AKAP10: variants seen among roughly 807,000 people sequenced by gnomAD.
AKAP10 encodes the protein A-kinase anchoring protein 10, also known as A-kinase anchor protein 10, mitochondrial.
In AKAP10, 24 loss-of-function variants were observed where a neutral mutation model predicts 80.8. That is an observed-to-expected ratio of 0.30 (90% confidence interval 0.22 to 0.42). The LOEUF (loss-of-function observed/expected upper bound fraction) is 0.42, where lower values mean the gene tolerates loss of function less well. Ranked by LOEUF, AKAP10 falls within the 10% of genes least tolerant of loss-of-function variation. The pLI, the probability that AKAP10 is intolerant of heterozygous loss-of-function variation, is 1.00. For missense variants in AKAP10, 661 were observed against 794.9 expected (o/e 0.83, Z 2.03); for synonymous variants, 291 against 277.7 (o/e 1.05, Z -0.48).
intron 4 of AKAP10, among the ~76,000 whole-genome samples, chr17:19,957,638 T>C (rs749136714): frequency 4.6e-5 from 7 of 152,344 alleles, no homozygotes; most frequent in Non-Finnish European, 1.0e-4. Flanking sequence ...ATGTCACTTA[T>C]TGGCAATTTT....
At chr17:19,918,243 GAAAAT>G (rs2042770908) in intron 12 of AKAP10, among the ~76,000 whole-genome samples, 1 of 137,404 alleles carries the variant, frequency 7.3e-6, no homozygotes, top group African/African-American at 2.8e-5. Context: ...AAAAAAAAAA[GAAAAT>G]AAGATAAATG....
rs199831676 is a variant in AKAP10 at position 19,935,502 on chromosome 17, C to CT, written c.1467+783dup. 3.6e-3 allele frequency among the ~76,000 whole-genome samples: 548 copies of CT among 152,170 alleles called. 2 individuals are homozygous for CT. The highest frequency in any genetic ancestry group is 0.012 in the African/African-American group (480 of 41,526). On this transcript the variant is annotated intron_variant, in intron 9 of 14. Transcript: ENST00000225737. ...TTACTGTAACTTTTTAACTGTTTTA[C>CT]TTTTTTTAGCTTTTTGACTCTGTTG... is the stretch of plus-strand genomic sequence containing the variant.
intron 4 of AKAP10, among the ~76,000 whole-genome samples, chr17:19,953,694 TTAAA>T (rs1167554484): frequency 6.6e-6 from 1 of 152,170 alleles, no homozygotes; most frequent in Non-Finnish European, 1.5e-5. Context: ...CCTATATCTA[TTAAA>T]TAATCTGAAT....
rs913509563 is a variant in AKAP10 at position 19,931,687 on chromosome 17, G to T, written c.1641+118C>A. 9.6e-6 allele frequency: 12 copies of T among 1,253,092 alleles called. No individual in the cohort carries two copies. In the African/African-American group the frequency reaches 1.7e-4, roughly 18 times the overall value. 77.6% of individuals were successfully genotyped at this position (1,253,092 alleles called of 1,614,324 possible). Reference sequence around the variant, plus strand: ...ATTACAGGCACAGGCCACTGTGCCTGGCTTTTATCTTTTTTTTCCACAACT... The same window carrying T: ...ATTACAGGCACAGGCCACTGTGCCTTGCTTTTATCTTTTTTTTCCACAACT... On this transcript the variant is annotated intron_variant, in intron 10 of 14. Transcript: ENST00000225737.
intron 14 of AKAP10, among the ~76,000 whole-genome samples, chr17:19,907,107 TC>T: frequency 6.6e-6 from 1 of 151,826 alleles, no homozygotes; most frequent in Non-Finnish European, 1.5e-5. Flanking sequence ...AACCTCTGCC[TC>T]CCGGGTTCAA....
intron 2 of AKAP10, 83 bp from the exon 3 acceptor site, chr17:19,963,105 A>G (rs1173911632): frequency 8.1e-7 from 1 of 1,235,584 alleles, no homozygotes; most frequent in African/African-American, 1.5e-5. Context: ...AGAGAACTTT[A>G]AAAATTAAAT....
chr17:19,911,450 C>G (rs2042688400), intron 12 of AKAP10, among the ~76,000 whole-genome samples: 4 of 152,166 alleles, frequency 2.6e-5, no homozygotes, highest in African/African-American at 9.7e-5. Context: ...CCAGCTAATT[C>G]CACTGGCTGA....
rs534292232 is a variant in AKAP10, at chr17:19,942,598, G to T, written c.977-688C>A. On this transcript the variant is annotated intron_variant, in intron 5 of 14. Coordinates refer to ENST00000225737, the MANE Select transcript of AKAP10 (RefSeq NM_007202.4). ...ACTTAAAAAATTATGGATTTGTGAA[G>T]TTATCTGTAAAAAAGTTTATTAAAA... Among the ~76,000 whole-genome samples the T allele has an allele frequency of 4.6e-5, 7 of 152,234 alleles. No individual in the cohort carries two copies. In the South Asian group the frequency reaches 1.5e-3, roughly 32 times the overall value.
intron 5 of AKAP10, 62 bp from the exon 6 acceptor site, chr17:19,941,972 T>G: frequency 2.0e-6 from 3 of 1,469,548 alleles, no homozygotes; most frequent in Non-Finnish European, 2.8e-6. Flanking sequence ...TACACACTTG[T>G]GAATCAACTT....
At chr17:19,908,377 G>C (rs1274501138) in intron 14 of AKAP10, among the ~76,000 whole-genome samples, 1 of 152,128 alleles carries the variant, frequency 6.6e-6, no homozygotes, top group Non-Finnish European at 1.5e-5. Flanking sequence ...CCAATGCCTT[G>C]TGTATTACTA....
intron 8 of AKAP10, among the ~76,000 whole-genome samples, chr17:19,937,719 G>A (rs2043007359): frequency 6.6e-6 from 1 of 152,176 alleles, no homozygotes; most frequent in South Asian, 2.1e-4. Flanking sequence ...CAAACATACT[G>A]TACCAGAATA....
At chr17:19,928,262 G>T (rs2042895758) in intron 10 of AKAP10, among the ~76,000 whole-genome samples, 1 of 151,980 alleles carries the variant, frequency 6.6e-6, no homozygotes, top group Admixed American at 6.6e-5. Context: ...AATAAAAATG[G>T]CCAAAGGATT....
chr17:19,913,447 C>T (rs757901478), intron 12 of AKAP10, among the ~76,000 whole-genome samples: 8 of 152,084 alleles, frequency 5.3e-5, no homozygotes, highest in African/African-American at 1.4e-4. Context: ...CCACCACGCC[C>T]GGCCCTAATT....
chr17:19,911,835 C>CAAAAAAAAAAAAA lies in AKAP10; in HGVS notation c.1835-1870_1835-1858dup, dbSNP rs71157844. On this transcript the variant is annotated intron_variant, in intron 12 of 14. Coordinates refer to ENST00000225737, the MANE Select transcript of AKAP10 (RefSeq NM_007202.4). ...CGGCAACAAGAGCAAAACTCTGTCA[C>CAAAAAAAAAAAAA]AAAAAAAAAAAAAAAAAAAAAAAAA... Among the ~76,000 whole-genome samples, 23 of 55,008 alleles carry CAAAAAAAAAAAAA rather than the reference C, an allele frequency of 4.2e-4. 3 individuals are homozygous for CAAAAAAAAAAAAA. Among genetic ancestry groups the CAAAAAAAAAAAAA allele is most frequent in the East Asian group, 1.9e-3 (2 of 1,044 alleles). 36.1% of individuals were successfully genotyped at this position (55,008 alleles called of 152,430 possible).
intron 4 of AKAP10, among the ~76,000 whole-genome samples, chr17:19,952,751 A>G (rs1597516903): frequency 1.3e-5 from 2 of 152,302 alleles, no homozygotes; most frequent in East Asian, 3.9e-4. Flanking sequence ...ATGTGTACAC[A>G]CCTAACAACA....
intron 12 of AKAP10, among the ~76,000 whole-genome samples, chr17:19,916,984 G>C (rs1019634715): frequency 1.1e-4 from 16 of 150,950 alleles, no homozygotes; most frequent in African/African-American, 3.9e-4. Context: ...AAAAAACCAG[G>C]CCAGGCACGG....
chr17:19,919,165 G>C (rs1456579662), intron 12 of AKAP10, among the ~76,000 whole-genome samples: 1 of 149,828 alleles, frequency 6.7e-6, no homozygotes, highest in Non-Finnish European at 1.5e-5. Context: ...CTATGAGTGA[G>C]AGCATGCGGT....
intron 10 of AKAP10, among the ~76,000 whole-genome samples, chr17:19,927,415 C>A (rs1165578706): frequency 6.6e-6 from 1 of 151,992 alleles, no homozygotes; most frequent in Non-Finnish European, 1.5e-5. Context: ...GAAGAAAATA[C>A]CTGGAAATAA....
chr17:19,931,300 T>G (rs908672091), intron 10 of AKAP10, among the ~76,000 whole-genome samples: 1 of 151,852 alleles, frequency 6.6e-6, no homozygotes, highest in African/African-American at 2.4e-5. Context: ...ATGGCCTAAA[T>G]GAAACAGCAT....
Sources: allele counts gnomAD v4.1 joint callset (sites outside exome capture counted in the v4.1 genomes callset), GRCh38; gene constraint gnomAD v4.1.1; transcripts MANE v1.5; gene names NCBI Gene and HGNC (gene_info 2026-07-23, HGNC 2026-07-21).